Variants in STPG2 observed in about 807,000 individuals in gnomAD.
The protein encoded by STPG2 is sperm-tail PG-rich repeat-containing protein 2.
Under a neutral mutation model 54.2 loss-of-function variants are expected in STPG2, and 56 were observed. The observed-to-expected ratio is 1.03, with a 90% CI of 0.83 to 1.29. STPG2 has a LOEUF of 1.29. STPG2 is among the 50% of genes most tolerant of loss of function. STPG2 has a pLI of 0.00. For synonymous variants in STPG2, 200 were observed against 181.8 expected, an observed-to-expected ratio of 1.10 and a Z score of -0.81; for missense variants, 596 against 544.9, an observed-to-expected ratio of 1.09 and a Z score of -0.93.
chr4:97,487,253 A>G (rs1472322965), intron 4 of STPG2, among the ~76,000 whole-genome samples: 1 of 151,550 alleles, frequency 6.6e-6, no homozygotes, highest in East Asian at 1.9e-4. Flanking sequence ...CATTTAAATG[A>G]ACTTCTAGAA....
chr4:97,876,391 T>G (rs1316639297), intron 8 of STPG2, among the ~76,000 whole-genome samples: 1 of 152,080 alleles, frequency 6.6e-6, no homozygotes, highest in Non-Finnish European at 1.5e-5. Flanking sequence ...AAAGTCTACT[T>G]TGTTAATGCT....
intron 2 of STPG2, among the ~76,000 whole-genome samples, chr4:98,130,749 C>T (rs1325743255): frequency 2.0e-5 from 3 of 151,404 alleles, no homozygotes; most frequent in African/African-American, 4.9e-5. Flanking sequence ...GGTGAAACCC[C>T]GTCTCTACTA....
chr4:97,534,795 GC>G (rs1428549948), intron 4 of STPG2, among the ~76,000 whole-genome samples: 1 of 152,086 alleles, frequency 6.6e-6, no homozygotes, highest in Non-Finnish European at 1.5e-5. Context: ...TACACATGCA[GC>G]CCTGACAACC....
intron 8 of STPG2, among the ~76,000 whole-genome samples, chr4:97,845,278 CTGTT>C (rs1250765113): frequency 2.6e-5 from 4 of 151,700 alleles, no homozygotes; most frequent in Non-Finnish European, 5.9e-5. Flanking sequence ...ATAATGCAAA[CTGTT>C]TGCCTTTTGC....
At position 97,706,147 on chromosome 4, in the gene STPG2, A is replaced by G. The variant is rs1461725247; in HGVS notation, c.1320+6552T>C. On this transcript the variant is annotated intron_variant, in intron 10 of 10. Coordinates refer to ENST00000295268, the MANE Select transcript of STPG2 (RefSeq NM_174952.3). ...TCGTAAGTAGTGGAACTCTTTTTCT[A>G]ACATATATAATATATAAAGCATAGG... 6.6e-5 allele frequency among the ~76,000 whole-genome samples: 10 copies of G among 152,130 alleles called. No individual in the cohort carries two copies. The South Asian group carries it at 1.0e-3, about 16-fold the overall frequency.
At chr4:98,017,464 T>G (rs1033238733) in intron 5 of STPG2, among the ~76,000 whole-genome samples, 1 of 152,144 alleles carries the variant, frequency 6.6e-6, no homozygotes, top group Non-Finnish European at 1.5e-5. Flanking sequence ...AGTGAGGTCC[T>G]TACTTCATCT....
At chr4:97,800,111 T>C (rs1400343665) in intron 9 of STPG2, among the ~76,000 whole-genome samples, 2 of 152,196 alleles carry the variant, frequency 1.3e-5, no homozygotes, top group African/African-American at 2.4e-5. Context: ...TTTTAGCTTC[T>C]TTGCGATGGA....
At chr4:97,962,093 G>A (rs1025261375) in intron 7 of STPG2, among the ~76,000 whole-genome samples, 14 of 152,088 alleles carry the variant, frequency 9.2e-5, no homozygotes, top group African/African-American at 2.7e-4. Context: ...TATTCTTAGC[G>A]AAGTAACTCA....
At chr4:97,819,666 T>A (rs1728021853) in intron 9 of STPG2, among the ~76,000 whole-genome samples, 1 of 152,108 alleles carries the variant, frequency 6.6e-6, no homozygotes, top group Non-Finnish European at 1.5e-5. Flanking sequence ...TTTTCTTCAT[T>A]TATTTAAAAT....
chr4:97,538,958 G>A (rs1220595336), intron 4 of STPG2, among the ~76,000 whole-genome samples: 4 of 152,070 alleles, frequency 2.6e-5, no homozygotes, highest in Non-Finnish European at 5.9e-5. Flanking sequence ...CATAAGTGGA[G>A]GAGAAATAAA....
Position 97,840,802 on chromosome 4 carries a change from C to T in STPG2, c.1175G>A (p.Arg392Gln), listed in dbSNP as rs141666758. ...CCCATCAGTCACTTTTTCTAGGCAC[C>T]GAGGAGTTGCACTAAGAAAAGAGGC... is the stretch of plus-strand genomic sequence containing the variant. ...KHASFLSATP[R>Q]CLEKVTDGPG... is the part of the protein sequence containing the mutation. Residue 392 changes from arginine to glutamine, a missense_variant, in exon 9 of 11, where the codon CGG becomes CAG. Transcript: ENST00000295268. The T allele has an allele frequency of 1.9e-5, 30 of 1,611,458 alleles. No individual in the cohort carries two copies. In the African/African-American group the frequency reaches 1.9e-4, roughly 10 times the overall value.
intron 9 of STPG2, among the ~76,000 whole-genome samples, chr4:97,795,107 C>A (rs1281506659): frequency 6.6e-6 from 1 of 152,056 alleles, no homozygotes; most frequent in African/African-American, 2.4e-5. Flanking sequence ...TTCCTTGATT[C>A]TCTGAATTTC....
At chr4:97,753,476 C>A (rs1725638954) in intron 9 of STPG2, among the ~76,000 whole-genome samples, 1 of 152,000 alleles carries the variant, frequency 6.6e-6, no homozygotes, top group South Asian at 2.1e-4. Flanking sequence ...CTTATCCACT[C>A]ATCTATTGAT....
At chr4:97,576,280 GAA>G (rs139140769) in intron 10 of STPG2, among the ~76,000 whole-genome samples, 2 of 123,932 alleles carry the variant, frequency 1.6e-5, no homozygotes. Context: ...TATATGGAAT[GAA>G]AAAAAAAAAA....
intron 8 of STPG2, among the ~76,000 whole-genome samples, chr4:97,889,819 T>A (rs892030008): frequency 6.6e-6 from 1 of 152,058 alleles, no homozygotes; most frequent in African/African-American, 2.4e-5. Context: ...GAGAGTGACA[T>A]ACAATATTTT....
At chr4:97,908,250 A>C (rs1343485842) in intron 8 of STPG2, among the ~76,000 whole-genome samples, 1 of 152,182 alleles carries the variant, frequency 6.6e-6, no homozygotes, top group Non-Finnish European at 1.5e-5. Flanking sequence ...TGCAGCCAAA[A>C]AACACATGAA....
intron 4 of STPG2, among the ~76,000 whole-genome samples, chr4:97,536,024 G>C (rs1305638205): frequency 6.6e-6 from 1 of 152,052 alleles, no homozygotes. Context: ...AGAGTGCAGT[G>C]GTTTTCTTCA....
At chr4:97,547,138 C>T (rs974676961) in intron 4 of STPG2, among the ~76,000 whole-genome samples, 1 of 151,476 alleles carries the variant, frequency 6.6e-6, no homozygotes, top group Non-Finnish European at 1.5e-5. Context: ...GGTAAAAGGG[C>T]TAGAGAGATA....
intron 5 of STPG2, among the ~76,000 whole-genome samples, chr4:98,014,692 C>A (rs1188432469): frequency 6.6e-6 from 1 of 152,078 alleles, no homozygotes; most frequent in African/African-American, 2.4e-5. Context: ...TGACTATATT[C>A]CTTATAGTCA....
Sources: gnomAD v4.1 joint callset for allele counts (sites outside exome capture counted in the v4.1 genomes callset) on GRCh38, gnomAD v4.1.1 for gene constraint, MANE v1.5 for transcripts, NCBI Gene and HGNC (gene_info 2026-07-23, HGNC 2026-07-21) for gene names.